The following PRDM16 variants were observed in gnomAD, a reference collection of about 807,000 sequenced individuals.
The protein encoded by PRDM16 is PR/SET domain 16.
In PRDM16, 23 loss-of-function variants were observed where a neutral mutation model predicts 110.6. The ratio of observed to expected loss-of-function variants is 0.21; its 90% confidence interval spans 0.15 to 0.29. PRDM16 has a LOEUF of 0.29. PRDM16 is among the 10% of genes least tolerant of loss of function. The pLI is 1.00. For missense variants in PRDM16, 1,615 were observed against 1,794.3 expected (o/e 0.90, Z 1.81); for synonymous variants, 799 against 781.8 (o/e 1.02, Z -0.37).
At chr1:3,361,375 A>G (rs1469418220) in intron 3 of PRDM16, among the ~76,000 whole-genome samples, 1 of 152,046 alleles carries the variant, frequency 6.6e-6, no homozygotes, top group Non-Finnish European at 1.5e-5. Context: ...TAGACCCTCC[A>G]CCGATGTCTG....
intron 1 of PRDM16, among the ~76,000 whole-genome samples, chr1:3,184,949 A>G (rs1325179870): frequency 6.6e-6 from 1 of 151,806 alleles, no homozygotes; most frequent in Non-Finnish European, 1.5e-5. Context: ...CGAGTGCCGC[A>G]TGTCCCAGGC....
chr1:3,331,826 A>G (rs1045639194), intron 3 of PRDM16, among the ~76,000 whole-genome samples: 19 of 152,138 alleles, frequency 1.2e-4, no homozygotes, highest in African/African-American at 4.1e-4. Context: ...AATGGCTGTG[A>G]GCTGTGGCCC....
chr1:3,126,938 A>T (rs777015034), intron 1 of PRDM16, among the ~76,000 whole-genome samples: 5 of 152,216 alleles, frequency 3.3e-5, no homozygotes, highest in Non-Finnish European at 5.9e-5. Flanking sequence ...CTCTGGACTC[A>T]GCTGGGAGGC....
intron 4 of PRDM16, 124 bp downstream of exon 4, chr1:3,385,410 C>T: frequency 9.2e-7 from 1 of 1,089,682 alleles, no homozygotes; most frequent in Non-Finnish European, 1.4e-6. Context: ...TCTGCCAAGC[C>T]CTGGCCTGCA....
chr1:3,297,280 A>ATTTT (rs34666813), intron 3 of PRDM16, among the ~76,000 whole-genome samples: 2 of 120,982 alleles, frequency 1.7e-5, no homozygotes, highest in South Asian at 2.7e-4. Flanking sequence ...GGTGAGAGGA[A>ATTTT]TTTTTTTTTT....
At chr1:3,145,636 G>A (rs1233952939) in intron 1 of PRDM16, among the ~76,000 whole-genome samples, 1 of 152,164 alleles carries the variant, frequency 6.6e-6, no homozygotes, top group Non-Finnish European at 1.5e-5. Flanking sequence ...GCAGAGATGT[G>A]TGTCCTGCGT....
chr1:3,284,121 C>G (rs960938756), intron 3 of PRDM16, among the ~76,000 whole-genome samples: 1 of 152,200 alleles, frequency 6.6e-6, no homozygotes, highest in Non-Finnish European at 1.5e-5. Flanking sequence ...ACCCGCCACC[C>G]GTAGCCCGCC....
At chr1:3,363,728 A>C (rs1440768302) in intron 3 of PRDM16, among the ~76,000 whole-genome samples, 1 of 152,128 alleles carries the variant, frequency 6.6e-6, no homozygotes, top group African/African-American at 2.4e-5. Flanking sequence ...GTCCTTTTCC[A>C]AGGTGACCAC....
chr1:3,374,698 A>G (rs1203474995), intron 3 of PRDM16, among the ~76,000 whole-genome samples: 2 of 152,238 alleles, frequency 1.3e-5, no homozygotes, highest in Non-Finnish European at 1.5e-5. Flanking sequence ...CAGAGCGCAC[A>G]GCATAGCCTG....
At chr1:3,252,051 C>T (rs1218116913) in intron 3 of PRDM16, among the ~76,000 whole-genome samples, 2 of 152,172 alleles carry the variant, frequency 1.3e-5, no homozygotes, top group Non-Finnish European at 1.5e-5. Context: ...AGCCGGGTGG[C>T]GGGGTTCCCC....
chr1:3,130,499 A>G (rs1643310061), intron 1 of PRDM16, among the ~76,000 whole-genome samples: 1 of 152,184 alleles, frequency 6.6e-6, no homozygotes, highest in East Asian at 1.9e-4. Flanking sequence ...GGCCGTCTCC[A>G]GGGCCCGCCC....
chr1:3,122,476 T>G (rs1643115270), intron 1 of PRDM16, among the ~76,000 whole-genome samples: 1 of 152,098 alleles, frequency 6.6e-6, no homozygotes, highest in Non-Finnish European at 1.5e-5. Context: ...CAGAAGCAAA[T>G]GGACCCCTTG....
intron 1 of PRDM16, among the ~76,000 whole-genome samples, chr1:3,135,889 C>G (rs549432862): frequency 1.3e-5 from 2 of 152,342 alleles, no homozygotes; most frequent in South Asian, 4.1e-4. Context: ...TCCTTGTTGT[C>G]GCAGCCTACA....
Position 3,253,881 on chromosome 1 carries a change from A to G in PRDM16, c.438+9744A>G, listed in dbSNP as rs531347593. ...CCTCTCCAGCACCTGTTGTTTCCTGACTTTTTAATGATTGCCATTCTGACT... is the reference window on the plus strand; with the variant it reads ...CCTCTCCAGCACCTGTTGTTTCCTGGCTTTTTAATGATTGCCATTCTGACT... On this transcript the variant is annotated intron_variant, in intron 3 of 16. Transcript: ENST00000270722. Among the ~76,000 whole-genome samples, 69 of 152,136 alleles carry G rather than the reference A, an allele frequency of 4.5e-4. 2 individuals carry two copies. The highest frequency in any genetic ancestry group is 4.4e-3 in the Admixed American group (67 of 15,282).
At chr1:3,387,568 G>A (rs1403295858) in intron 4 of PRDM16, among the ~76,000 whole-genome samples, 1 of 152,156 alleles carries the variant, frequency 6.6e-6, no homozygotes, top group East Asian at 1.9e-4. Flanking sequence ...CGGTGACGTC[G>A]GGTGTTACAG....
rs1641238941 is a variant in PRDM16 at position 3,303,015 on chromosome 1, A to C, written c.438+58878A>C. ...GTATAAATAAAAACCTATATAATAT[A>C]TATCAGTTTTATTGATATATACACT... On this transcript the variant is annotated intron_variant, in intron 3 of 16. Coordinates refer to ENST00000270722, the MANE Select transcript of PRDM16 (RefSeq NM_022114.4). 1.3e-5 allele frequency among the ~76,000 whole-genome samples: 2 copies of C among 152,204 alleles called. 1 individual carries two copies. Among genetic ancestry groups the C allele is most frequent in the African/African-American group, 4.8e-5 (2 of 41,432 alleles).
chr1:3,221,180 C>G (rs1321237685), intron 2 of PRDM16, among the ~76,000 whole-genome samples: 2 of 152,104 alleles, frequency 1.3e-5, no homozygotes, highest in African/African-American at 4.8e-5. Context: ...CATTCGGTCT[C>G]TGGCAAAGAT....
rs1642006755 is a variant in PRDM16, at chr1:3,329,839, G to A, written c.439-55313G>A. Reference sequence around the variant, plus strand: ...TGGTTATGGTGGGCTGTGTTCTCCGGCCTCCCATGCAGTCCCTGCCTTACC... The same window carrying A: ...TGGTTATGGTGGGCTGTGTTCTCCGACCTCCCATGCAGTCCCTGCCTTACC... On this transcript the variant is annotated intron_variant, in intron 3 of 16. Transcript: ENST00000270722. Among the ~76,000 whole-genome samples, 2 of 152,268 alleles carry A rather than the reference G, an allele frequency of 1.3e-5. 1 individual carries two copies. Among genetic ancestry groups the A allele is most frequent in the South Asian group, 4.1e-4 (2 of 4,836 alleles).
chr1:3,295,686 G>A (rs569294606), intron 3 of PRDM16, among the ~76,000 whole-genome samples: 1 of 152,228 alleles, frequency 6.6e-6, no homozygotes, highest in African/African-American at 2.4e-5. Context: ...CCCACAGTGG[G>A]CTTTGTTTAG....
Sources: gnomAD v4.1 joint callset for allele counts (sites outside exome capture counted in the v4.1 genomes callset) on GRCh38, gnomAD v4.1.1 for gene constraint, MANE v1.5 for transcripts, NCBI Gene and HGNC (gene_info 2026-07-23, HGNC 2026-07-21) for gene names.